Variants in PRKDC observed in about 807,000 individuals in gnomAD.
PRKDC encodes the protein protein kinase, DNA-activated, catalytic subunit.
In PRKDC, 82 loss-of-function variants were observed where a neutral mutation model predicts 486.9. That is an observed-to-expected ratio of 0.17 (90% CI 0.14 to 0.20). The LOEUF (loss-of-function observed/expected upper bound fraction) is 0.20. Among genes scored for constraint, PRKDC ranks in the 10% least tolerant of loss-of-function variants. The probability of loss-of-function intolerance (pLI) is 1.00; values close to 1 mark genes in which losing one functional copy is unlikely to be tolerated. For synonymous variants in PRKDC, 1,895 were observed against 1,837.0 expected, an observed-to-expected ratio of 1.03 and a Z score of -0.81; for missense variants, 4,504 against 5,038.2, an observed-to-expected ratio of 0.89 and a Z score of 3.21.
chr8:47,905,000 T>A (rs765112490), intron 25 of PRKDC, 24 bp from the exon 26 acceptor site: 1 of 1,505,198 alleles, frequency 6.6e-7, no homozygotes, highest in Non-Finnish European at 9.2e-7. Flanking sequence ...ACCATTAAAG[T>A]TAATTCCCTT....
At position 47,927,135 on chromosome 8, in the gene PRKDC, T is replaced by C. The variant is rs545295751; in HGVS notation, c.2419+59A>G. On this transcript the variant is annotated intron_variant, in intron 21 of 85. Coordinates refer to ENST00000314191, the MANE Select transcript of PRKDC (RefSeq NM_006904.7). Reference sequence around the variant, plus strand: ...GTTACAAAAATACAGTCCTACCTATTATAGTTACTCCATTTCCATTTTAAT... The same window carrying C: ...GTTACAAAAATACAGTCCTACCTATCATAGTTACTCCATTTCCATTTTAAT... 3.3e-6 allele frequency: 5 copies of C among 1,524,414 alleles called. No individual in the cohort carries two copies. The East Asian group carries it at 1.1e-4, about 35-fold the overall frequency. 94.4% of individuals were successfully genotyped at this position (1,524,414 alleles called of 1,614,324 possible).
intron 12 of PRKDC, 48 bp downstream of exon 12, chr8:47,936,305 G>A (rs762046198): frequency 1.6e-5 from 25 of 1,540,066 alleles, no homozygotes; most frequent in South Asian, 2.5e-5. Context: ...ATTATTTGAA[G>A]AAATGAAGAT....
intron 31 of PRKDC, among the ~76,000 whole-genome samples, chr8:47,891,703 G>T (rs934495967): frequency 6.6e-6 from 1 of 151,884 alleles, no homozygotes; most frequent in Admixed American, 6.6e-5. Flanking sequence ...CTGGGCGACG[G>T]AGACTCCATT....
chr8:47,905,938 G>A (rs1447925734), intron 25 of PRKDC, among the ~76,000 whole-genome samples: 2 of 152,200 alleles, frequency 1.3e-5, no homozygotes, highest in African/African-American at 2.4e-5. Flanking sequence ...GCTTGGAAGT[G>A]TAACCTAGTG....
chr8:47,786,155 GT>G (rs1420464214), intron 76 of PRKDC, among the ~76,000 whole-genome samples: 1 of 151,996 alleles, frequency 6.6e-6, no homozygotes, highest in Non-Finnish European at 1.5e-5. Flanking sequence ...GCTCATGCCT[GT>G]AATCCCAGCA....
intron 54 of PRKDC, among the ~76,000 whole-genome samples, chr8:47,844,803 A>C (rs1443367945): frequency 1.3e-5 from 2 of 152,228 alleles, no homozygotes; most frequent in African/African-American, 4.8e-5. Flanking sequence ...AAAACAACAA[A>C]ATTAAGGCAA....
chr8:47,950,429 T>C (rs1475883714), intron 7 of PRKDC, among the ~76,000 whole-genome samples: 1 of 151,288 alleles, frequency 6.6e-6, no homozygotes, highest in African/African-American at 2.4e-5. Context: ...AATGAGACCA[T>C]CCTGGCTAAC....
intron 18 of PRKDC, 112 bp from the exon 19 acceptor site, chr8:47,929,290 C>T: frequency 2.7e-6 from 2 of 742,798 alleles, no homozygotes; most frequent in South Asian, 1.6e-5. Flanking sequence ...AAGTTACCAA[C>T]ATCTAATGAA....
In PRKDC at chr8:47,936,540, G is replaced by C. The variant is rs747023746; in HGVS notation, c.1114-23C>G. On this transcript the variant is annotated intron_variant, in intron 11 of 85. Coordinates refer to ENST00000314191, the MANE Select transcript of PRKDC (RefSeq NM_006904.7). ...CGGCTTTAGAAAAGGTAAAACAGAAGTCTTCATCAATCTTATCAAGATCAA... is the reference window on the plus strand; with the variant it reads ...CGGCTTTAGAAAAGGTAAAACAGAACTCTTCATCAATCTTATCAAGATCAA... 8 of 1,612,350 alleles carry C rather than the reference G, an allele frequency of 5.0e-6. No individual in the cohort carries two copies. The African/African-American group carries it at 6.7e-5, about 13-fold the overall frequency.
In PRKDC at chr8:47,826,778, G is replaced by C; in HGVS notation, c.8661C>G (p.Pro2887=). 6.2e-7 allele frequency: 1 copy of C among 1,611,454 alleles called. No individual in the cohort carries two copies. The highest frequency in any genetic ancestry group is 8.5e-7 in the Non-Finnish European group (1 of 1,179,010). Residue 2887 remains proline (P), a synonymous_variant, in exon 63 of 86, where the codon CCC becomes CCG. Transcript: ENST00000314191. ...SAGCLASLQQ[P]VGIRLLEEAL... ...CCTCCTCTAGCAGGCGGATGCCCAC[G>C]GGCTGCTGTAGGCTGGCCAGGCAAC...
At chr8:47,944,442 C>T (rs2090496139) in intron 7 of PRKDC, among the ~76,000 whole-genome samples, 2 of 149,840 alleles carry the variant, frequency 1.3e-5, no homozygotes, top group Admixed American at 6.6e-5. Flanking sequence ...CCCCAATACA[C>T]CCAGGCATTT....
At chr8:47,819,079 G>A (rs1362433917) in intron 67 of PRKDC, among the ~76,000 whole-genome samples, 1 of 152,164 alleles carries the variant, frequency 6.6e-6, no homozygotes, top group African/African-American at 2.4e-5. Flanking sequence ...CCTCCTCCAG[G>A]AGTCCTGCAC....
chr8:47,833,026 C>A (rs1407516858), intron 59 of PRKDC, among the ~76,000 whole-genome samples: 2 of 152,238 alleles, frequency 1.3e-5, no homozygotes, highest in Non-Finnish European at 1.5e-5. Context: ...AGCACTCCCG[C>A]CAGACCACCA....
chr8:47,889,507 G>A (rs1362253128), intron 32 of PRKDC, among the ~76,000 whole-genome samples: 4 of 152,244 alleles, frequency 2.6e-5, no homozygotes, highest in Admixed American at 6.5e-5. Flanking sequence ...AGGTGAGGTT[G>A]TGTCCATGGA....
At chr8:47,868,898 T>C (rs1265805183) in intron 40 of PRKDC, among the ~76,000 whole-genome samples, 1 of 152,178 alleles carries the variant, frequency 6.6e-6, no homozygotes, top group Non-Finnish European at 1.5e-5. Context: ...GCACTTTGCA[T>C]TGGAACTCAG....
chr8:47,919,087 A>G (rs1486264407), intron 21 of PRKDC, among the ~76,000 whole-genome samples: 4 of 152,136 alleles, frequency 2.6e-5, no homozygotes, highest in Non-Finnish European at 5.9e-5. Flanking sequence ...TGTGTTTTCC[A>G]CAAGGACAGT....
At chr8:47,908,881 A>G (rs1016915905) in intron 25 of PRKDC, among the ~76,000 whole-genome samples, 2 of 152,164 alleles carry the variant, frequency 1.3e-5, no homozygotes, top group African/African-American at 4.8e-5. Flanking sequence ...ATTGATTTAC[A>G]GTTAGTTTCT....
At chr8:47,798,092 A>G in intron 73 of PRKDC, 145 bp downstream of exon 73, 1 of 834,126 alleles carries the variant, frequency 1.2e-6, no homozygotes, top group Admixed American at 3.6e-5. Context: ...TAAATTACCT[A>G]TGTCCTCAGA....
chr8:47,874,846 G>C (rs2089055829), intron 40 of PRKDC, among the ~76,000 whole-genome samples: 1 of 152,106 alleles, frequency 6.6e-6, no homozygotes. Context: ...CTTGAGCCCA[G>C]GAGTTCAAGA....
Sources: gnomAD v4.1 joint callset for allele counts (sites outside exome capture counted in the v4.1 genomes callset) on GRCh38, gnomAD v4.1.1 for gene constraint, MANE v1.5 for transcripts, NCBI Gene and HGNC (gene_info 2026-07-23, HGNC 2026-07-21) for gene names.